Variants in PEX19 observed in about 807,000 individuals in gnomAD.
PEX19 encodes the protein peroxisomal biogenesis factor 19.
PEX19 carries 29 observed loss-of-function variants against 36.3 expected under a neutral mutation model. The observed-to-expected ratio is 0.80, with a 90% CI of 0.60 to 1.09. PEX19 has a LOEUF of 1.09. Among genes scored for constraint, PEX19 ranks in the 50% least tolerant of loss-of-function variants. The pLI, the probability that PEX19 is intolerant of heterozygous loss-of-function variation, is 0.00. For synonymous variants in PEX19, 141 were observed against 135.2 expected (o/e 1.04, Z -0.30); for missense variants, 396 against 368.1 (o/e 1.08, Z -0.62).
At chr1:160,283,987 C>G in intron 1 of PEX19, 1 of 429,866 alleles carries the variant, frequency 2.3e-6, no homozygotes, top group Non-Finnish European at 4.7e-6. Context: ...TACAAATACC[C>G]AACAGTAGTA....
Position 160,279,077 on chromosome 1 carries a change from G to A in PEX19, c.*474C>T, listed in dbSNP as rs989706345. 17 of 454,398 alleles carry A rather than the reference G, an allele frequency of 3.7e-5. No homozygotes were observed. Among genetic ancestry groups the A allele is most frequent in the African/African-American group, 3.4e-4 (17 of 49,994 alleles). The allele number at this position is 454,398 out of a possible 1,614,324, so 28.1% of individuals were successfully genotyped here. ...GCATAGTGACAGACCTGTAGCCCCA[G>A]CCCAGGCTGTTTCTCCCCATTCTCA... On this transcript the variant is annotated 3_prime_UTR_variant, in exon 8 of 8. Transcript: ENST00000368072.
At position 160,282,400 on chromosome 1, in the gene PEX19, T is replaced by TA. The variant is rs757811974; in HGVS notation, c.432+16dup. 6.3e-7 allele frequency: 1 copy of TA among 1,597,506 alleles called. No individual in the cohort carries two copies. The highest frequency in any genetic ancestry group is 1.7e-5 in the Admixed American group (1 of 60,016). On this transcript the variant is annotated intron_variant, in intron 4 of 7. Coordinates refer to ENST00000368072, the MANE Select transcript of PEX19 (RefSeq NM_002857.4). The stretch of plus-strand genomic sequence containing the variant: ...TGGGAGTGGACCCCTTGTGGGCCCC[T>TA]ACTACTTTCTCCTCACCTGAAGGTC...
chr1:160,282,002 A>G lies in PEX19; in HGVS notation c.594+37T>C, dbSNP rs2795067. ...AGCCCACATCAGTTGATGTGATGGAAAATGAAGAGAAAAAGCAGAAATGGA... is the reference window on the plus strand; with the variant it reads ...AGCCCACATCAGTTGATGTGATGGAGAATGAAGAGAAAAAGCAGAAATGGA... On this transcript the variant is annotated intron_variant, in intron 5 of 7. Transcript: ENST00000368072. 910,725 of 1,576,984 alleles carry G rather than the reference A, an allele frequency of 0.58. 268,824 individuals carry two copies. Among genetic ancestry groups the G allele is most frequent in the African/African-American group, 0.87 (64,228 of 74,030 alleles).
intron 1 of PEX19, chr1:160,284,334 T>A: frequency 2.6e-6 from 1 of 391,064 alleles, no homozygotes; most frequent in South Asian, 1.9e-5. Context: ...CAAATTCACC[T>A]CTGCCCTGAA....
intron 3 of PEX19, chr1:160,282,707 C>T (rs1194378216): frequency 1.5e-6 from 1 of 672,582 alleles, no homozygotes; most frequent in Non-Finnish European, 2.6e-6. Flanking sequence ...TGATGATACC[C>T]ACAATAACAC....
Position 160,283,614 on chromosome 1 carries a change from G to A in PEX19, c.96C>T (p.Ala32=). ...LESALDDFDK[A]KPSPAPPSTT... Reference sequence around the variant, plus strand: ...TAGAAGGGGGTGCTGGGGAGGGTTTGGCTTTATCGAAATCATCAAGAGCAC... The same window carrying A: ...TAGAAGGGGGTGCTGGGGAGGGTTTAGCTTTATCGAAATCATCAAGAGCAC... The change falls in exon 2 of 8, where the codon GCC becomes GCT. Residue 32 remains alanine, a synonymous_variant. Coordinates refer to ENST00000368072, the MANE Select transcript of PEX19 (RefSeq NM_002857.4). The A allele has an allele frequency of 2.5e-6, 4 of 1,614,104 alleles. No individual in the cohort carries two copies. Among genetic ancestry groups the A allele is most frequent in the Non-Finnish European group, 2.5e-6 (3 of 1,179,948 alleles).
In PEX19 at chr1:160,282,969, C is replaced by T; in HGVS notation, c.321G>A (p.Lys107=). 1.2e-6 allele frequency: 2 copies of T among 1,614,242 alleles called. No individual in the cohort carries two copies. The highest frequency in any genetic ancestry group is 1.7e-6 in the Non-Finnish European group (2 of 1,180,044). The change falls in exon 3 of 8, where the codon AAG becomes AAA. Residue 107 remains lysine (K), a synonymous_variant. Transcript: ENST00000368072. ...EEPHLVEQFQ[K]LSEAAGRVGS... ...CCACTCTCCCTGCAGCCTCTGAGAGCTTTTGGAACTGCTCCACCAGGTGGG... is the reference window on the plus strand; with the variant it reads ...CCACTCTCCCTGCAGCCTCTGAGAGTTTTTGGAACTGCTCCACCAGGTGGG...
intron 6 of PEX19, 83 bp from the exon 7 acceptor site, chr1:160,279,928 ATCTC>A (rs1396767079): frequency 3.1e-5 from 43 of 1,384,334 alleles, no homozygotes; most frequent in South Asian, 6.9e-5. Flanking sequence ...CTAATGAATG[ATCTC>A]TCTATTTCTT....
chr1:160,277,986 G>A lies in PEX19; in HGVS notation c.*1565C>T. 1.4e-6 allele frequency: 1 copy of A among 698,342 alleles called. No individual in the cohort carries two copies. Among genetic ancestry groups the A allele is most frequent in the South Asian group, 1.5e-5 (1 of 66,852 alleles). 43.3% of individuals were successfully genotyped at this position (698,342 alleles called of 1,614,324 possible). A position where few individuals can be genotyped will look rare whatever the true frequency, so the allele number is the denominator to read the frequency against. ...TCACCAATACCATAAAACATGTAAG[G>A]TCTTCAAGGGGTGAAAAGTTTTAAC... is the stretch of plus-strand genomic sequence containing the variant. On this transcript the variant is annotated 3_prime_UTR_variant, in exon 8 of 8. Transcript: ENST00000368072.
intron 1 of PEX19, among the ~76,000 whole-genome samples, chr1:160,283,958 C>T (rs894404803): frequency 6.6e-6 from 1 of 152,164 alleles, no homozygotes; most frequent in Non-Finnish European, 1.5e-5. Context: ...CACACCCTAA[C>T]GATTCCCTAG....
intron 2 of PEX19, 41 bp from the exon 3 acceptor site, chr1:160,283,150 A>C: frequency 1.2e-6 from 2 of 1,605,400 alleles, no homozygotes; most frequent in Non-Finnish European, 1.7e-6. Context: ...CTTACTTAGG[A>C]CTACACTGCA....
chr1:160,284,811 C>T (rs537386056), intron 1 of PEX19, among the ~76,000 whole-genome samples: 2 of 152,276 alleles, frequency 1.3e-5, no homozygotes, highest in African/African-American at 4.8e-5. Context: ...CATGAAACGC[C>T]GTCCTGCGGA....
At chr1:160,284,717 G>T (rs528286785) in intron 1 of PEX19, among the ~76,000 whole-genome samples, 1 of 152,324 alleles carries the variant, frequency 6.6e-6, no homozygotes, top group South Asian at 2.1e-4. Flanking sequence ...TACCCAGCAA[G>T]AACCAAATGC....
Position 160,278,050 on chromosome 1 carries a change from A to C in PEX19, c.*1501T>G, listed in dbSNP as rs930721817. The C allele has an allele frequency of 1.4e-6, 1 of 702,152 alleles. No individual in the cohort carries two copies. The highest frequency in any genetic ancestry group is 1.7e-5 in the African/African-American group (1 of 57,234). The allele number at this position is 702,152 out of a possible 1,614,324, so 43.5% of individuals were successfully genotyped here. On this transcript the variant is annotated 3_prime_UTR_variant, in exon 8 of 8. Transcript: ENST00000368072. ...ACATGTCAGAAGCTCAAAGCGACTC[A>C]TAATGCATGTGAATTTGCTTTGGAG...
In PEX19 at chr1:160,277,087, G is replaced by A. The variant is rs1312921598; in HGVS notation, c.*2464C>T. 1 of 454,042 alleles carries A rather than the reference G, an allele frequency of 2.2e-6. No individual in the cohort carries two copies. The highest frequency in any genetic ancestry group is 6.9e-5 in the East Asian group (1 of 14,398). 28.1% of individuals were successfully genotyped at this position (454,042 alleles called of 1,614,324 possible). On this transcript the variant is annotated 3_prime_UTR_variant, in exon 8 of 8. Transcript: ENST00000368072. ...CTGGAAGTGAAACTCAAATAGGAGAGAACAAGAGATACAGGTAGGTATCAG... is the reference window on the plus strand; with the variant it reads ...CTGGAAGTGAAACTCAAATAGGAGAAAACAAGAGATACAGGTAGGTATCAG...
rs1163291818 is a variant in PEX19 at position 160,277,820 on chromosome 1, T to C, written c.*1731A>G. 8 of 545,426 alleles carry C rather than the reference T, an allele frequency of 1.5e-5. No homozygotes were observed. In the Admixed American group the frequency reaches 1.5e-4, roughly 11 times the overall value. The allele number at this position is 545,426 out of a possible 1,614,324, so 33.8% of individuals were successfully genotyped here. A position where few individuals can be genotyped will look rare whatever the true frequency, so the allele number is the denominator to read the frequency against. On this transcript the variant is annotated 3_prime_UTR_variant, in exon 8 of 8. Coordinates refer to ENST00000368072, the MANE Select transcript of PEX19 (RefSeq NM_002857.4). ...TAGTGACACTGAAGCCCCATGACTA[T>C]ATCACAAGTATACCTGTATTTTTTC...
At chr1:160,283,235 TCTAA>T in intron 2 of PEX19, 126 bp from the exon 3 acceptor site, 1 of 1,033,730 alleles carries the variant, frequency 9.7e-7, no homozygotes, top group Non-Finnish European at 1.5e-6. Context: ...CACTGGACAT[TCTAA>T]CTACTGCTCC....
Position 160,285,093 on chromosome 1 carries a change from C to G in PEX19, c.32G>C (p.Gly11Ala), listed in dbSNP as rs200126213. The G allele has an allele frequency of 6.2e-7, 1 of 1,614,096 alleles. No individual in the cohort carries two copies. Among genetic ancestry groups the G allele is most frequent in the East Asian group, 2.2e-5 (1 of 44,880 alleles). MAAAEEGCSV[G>A]AEADRELEEL... ...CTCCAATTCCCTGTCCGCTTCGGCC[C>G]CGACACTACAGCCTTCCTCAGCGGC... is the stretch of plus-strand genomic sequence containing the variant. The change falls in exon 1 of 8, where the codon GGG becomes GCG. Residue 11 changes from glycine (G) to alanine (A), a missense_variant. Transcript: ENST00000368072.
In PEX19 at chr1:160,280,116, G is replaced by A. The variant is rs1298942330; in HGVS notation, c.725C>T (p.Thr242Ile). The change falls in exon 6 of 8, where the codon ACC becomes ATC. Residue 242 changes from threonine to isoleucine, a missense_variant. Transcript: ENST00000368072. ...CATCTCAAAACGAGCCTTTTGAGTG[G>A]TTTCACTGTCTGTGGGGGTCTCTGC... ...FEAETPTDSE[T>I]TQKARFEMVL... 6.2e-7 allele frequency: 1 copy of A among 1,613,948 alleles called. No homozygotes were observed. The highest frequency in any genetic ancestry group is 1.1e-5 in the South Asian group (1 of 91,076).
Sources: allele counts gnomAD v4.1 joint callset (sites outside exome capture counted in the v4.1 genomes callset), GRCh38; gene constraint gnomAD v4.1.1; transcripts MANE v1.5; gene names NCBI Gene and HGNC (gene_info 2026-07-23, HGNC 2026-07-21).